The following CKAP2 variants were observed in gnomAD, a reference collection of about 807,000 sequenced individuals.
The protein encoded by CKAP2 is cytoskeleton-associated protein 2.
Under a neutral mutation model 58.4 loss-of-function variants are expected in CKAP2, and 46 were observed. That is an observed-to-expected ratio of 0.79 (90% confidence interval 0.62 to 1.01). The LOEUF (loss-of-function observed/expected upper bound fraction) is 1.01. Ranked by LOEUF, CKAP2 falls within the 50% of genes least tolerant of loss-of-function variation. CKAP2 has a pLI of 0.00. For missense variants in CKAP2, 809 were observed against 796.4 expected, an observed-to-expected ratio of 1.02 and a Z score of -0.19; for synonymous variants, 293 against 280.9, an observed-to-expected ratio of 1.04 and a Z score of -0.43.
chr13:52,461,612 T>TA lies in CKAP2; in HGVS notation c.787dup (p.Thr263AsnfsTer11), dbSNP rs1958582071. ...CTCCTATTAGAAGTCATCACAGTAA[T>TA]ACCCGGGACACTGTGAAACAAGGCA... On this transcript the variant is annotated frameshift_variant, in exon 4 of 9. Coordinates refer to ENST00000258607, the MANE Select transcript of CKAP2 (RefSeq NM_018204.5). LOFTEE classifies it high-confidence loss of function. 6.2e-7 allele frequency: 1 copy of TA among 1,613,810 alleles called. No individual in the cohort carries two copies. The highest frequency in any genetic ancestry group is 1.1e-5 in the South Asian group (1 of 91,078).
At chr13:52,467,515 C>T (rs1210825910) in intron 6 of CKAP2, among the ~76,000 whole-genome samples, 1 of 152,004 alleles carries the variant, frequency 6.6e-6, no homozygotes, top group African/African-American at 2.4e-5. Flanking sequence ...TCAAGCAAGC[C>T]TGGCCAGCAT....
intron 4 of CKAP2, 39 bp downstream of exon 4, chr13:52,461,965 A>G (rs769294913): frequency 6.7e-6 from 10 of 1,486,102 alleles, no homozygotes; most frequent in East Asian, 2.4e-5. Flanking sequence ...TTAGTTTTCA[A>G]TAAAGTACTG....
intron 2 of CKAP2, among the ~76,000 whole-genome samples, chr13:52,459,425 C>T (rs747661985): frequency 2.0e-5 from 3 of 152,016 alleles, no homozygotes; most frequent in East Asian, 1.9e-4. Flanking sequence ...TGGGTTCAAG[C>T]GATTCTCCTG....
rs1228018771 is a variant in CKAP2 at position 52,462,489 on chromosome 13, G to T, written c.1227G>T (p.Met409Ile). ...CAGTTGGGTCTTTTTGGACTACCATGGCAGAAGAAGATGAACAAAGATTAT... is the reference window on the plus strand; with the variant it reads ...CAGTTGGGTCTTTTTGGACTACCATTGCAGAAGAAGATGAACAAAGATTAT... ...EKPVGSFWTT[M>I]AEEDEQRLFT... The change falls in exon 5 of 9, where the codon ATG becomes ATT. Residue 409 changes from methionine to isoleucine, a missense_variant. Transcript: ENST00000258607. 1 of 1,614,074 alleles carries T rather than the reference G, an allele frequency of 6.2e-7. No individual in the cohort carries two copies. The highest frequency in any genetic ancestry group is 1.1e-5 in the South Asian group (1 of 91,070).
At chr13:52,473,299 A>AT (rs1321086823) in intron 7 of CKAP2, among the ~76,000 whole-genome samples, 125 of 151,814 alleles carry the variant, frequency 8.2e-4, no homozygotes, top group African/African-American at 2.8e-3. Context: ...TCTCTGGTGA[A>AT]TTTTTTTTAC....
At position 52,461,039 on chromosome 13, in the gene CKAP2, T is replaced by A. The variant is rs771681941; in HGVS notation, c.232-19T>A. 10 of 1,601,840 alleles carry A rather than the reference T, an allele frequency of 6.2e-6. No homozygotes were observed. In the East Asian group the frequency reaches 2.2e-4, roughly 36 times the overall value. On this transcript the variant is annotated intron_variant, in intron 3 of 8. Transcript: ENST00000258607. ...CCATTTTGCCTTTCCTAAACACTTT[T>A]CTTAAATAATTCTTTCAGGCTGATA...
At chr13:52,472,974 T>A (rs1311890666) in intron 7 of CKAP2, among the ~76,000 whole-genome samples, 1 of 152,010 alleles carries the variant, frequency 6.6e-6, no homozygotes, top group Non-Finnish European at 1.5e-5. Flanking sequence ...ACCTGGGAAG[T>A]TGAGGCTGCA....
At chr13:52,457,239 A>G (rs1033022735) in intron 2 of CKAP2, among the ~76,000 whole-genome samples, 4 of 152,288 alleles carry the variant, frequency 2.6e-5, no homozygotes, top group Admixed American at 1.3e-4. Flanking sequence ...TCTAAGAGAA[A>G]AAAACAATTA....
chr13:52,457,235 AG>A (rs1407577437), intron 2 of CKAP2, among the ~76,000 whole-genome samples: 1 of 152,066 alleles, frequency 6.6e-6, no homozygotes, highest in African/African-American at 2.4e-5. Context: ...ACAGTCTAAG[AG>A]AAAAAAACAA....
At chr13:52,467,707 A>G (rs1360931780) in intron 6 of CKAP2, among the ~76,000 whole-genome samples, 2 of 146,304 alleles carry the variant, frequency 1.4e-5, no homozygotes, top group Non-Finnish European at 2.9e-5. Flanking sequence ...GACTGTCTCA[A>G]AAAAAGAAAA....
At chr13:52,471,363 C>T (rs1017246187) in intron 7 of CKAP2, among the ~76,000 whole-genome samples, 5 of 152,080 alleles carry the variant, frequency 3.3e-5, no homozygotes, top group Admixed American at 2.0e-4. Context: ...TATCATTAGT[C>T]TTTAGATGGG....
chr13:52,460,921 T>A lies in CKAP2; in HGVS notation c.178T>A (p.Ser60Thr). ...TAGTAGAGATCAGAGAGTTGTGACA[T>A]CTGAGGACCAAGTTCAAGAAGGGAC... The part of the protein sequence containing the change: ...LSSRDQRVVT[S>T]EDQVQEGTKV... Residue 60 changes from serine (S) to threonine (T), a missense_variant, in exon 3 of 9, where the codon TCT becomes ACT. Ser to Thr is a moderately conservative substitution (Grantham distance 58). This residue lies in a region of CKAP2 where 523 missense variants were observed against 492.4 expected (regional missense o/e 1.06). Transcript: ENST00000258607. 2 of 1,613,458 alleles carry A rather than the reference T, an allele frequency of 1.2e-6. No individual in the cohort carries two copies. Among genetic ancestry groups the A allele is most frequent in the Non-Finnish European group, 1.7e-6 (2 of 1,179,914 alleles).
At chr13:52,474,208 G>A in intron 8 of CKAP2, 124 bp downstream of exon 8, 2 of 965,252 alleles carry the variant, frequency 2.1e-6, no homozygotes, top group Non-Finnish European at 3.0e-6. Flanking sequence ...ATTTCAGTAC[G>A]GGCATGGTGG....
chr13:52,470,502 T>G (rs1384900666), intron 7 of CKAP2, among the ~76,000 whole-genome samples: 1 of 152,032 alleles, frequency 6.6e-6, no homozygotes, highest in Non-Finnish European at 1.5e-5. Flanking sequence ...ATTTAAGATG[T>G]AGAGATCTAG....
chr13:52,459,146 C>G (rs1285987160), intron 2 of CKAP2, among the ~76,000 whole-genome samples: 1 of 151,838 alleles, frequency 6.6e-6, no homozygotes, highest in African/African-American at 2.4e-5. Context: ...ACTAAGATAC[C>G]CTGTTAAGTG....
In CKAP2 at chr13:52,456,527, A is replaced by G. The variant is rs750798992; in HGVS notation, c.75A>G (p.Gln25=). 2 of 1,611,352 alleles carry G rather than the reference A, an allele frequency of 1.2e-6. No individual in the cohort carries two copies. Among genetic ancestry groups the G allele is most frequent in the Non-Finnish European group, 1.7e-6 (2 of 1,178,566 alleles). Residue 25 remains glutamine, a synonymous_variant, in exon 2 of 9, where the codon CAA becomes CAG. Transcript: ENST00000258607. The part of the protein sequence containing the change: ...SQRAQSAFKE[Q]RRQKLKEHLL... ...GCTCTTACCTTTGTTATCTAGAGCA[A>G]AGAAGACAAAAACTCAAGGAACATC...
At chr13:52,464,835 T>C (rs1391125864) in intron 5 of CKAP2, among the ~76,000 whole-genome samples, 1 of 152,230 alleles carries the variant, frequency 6.6e-6, no homozygotes, top group Non-Finnish European at 1.5e-5. Context: ...CTTGTGGTTC[T>C]GAACACCAGT....
intron 6 of CKAP2, chr13:52,465,978 T>TACACAC (rs1491259133): frequency 1.2e-5 from 3 of 260,754 alleles, no homozygotes; most frequent in African/African-American, 2.3e-5. Flanking sequence ...CACACATATA[T>TACACAC]GCACACATAT....
rs571016501 is a variant in CKAP2 at position 52,471,332 on chromosome 13, T to G, written c.1547-2497T>G. 2.5e-4 allele frequency among the ~76,000 whole-genome samples: 38 copies of G among 152,296 alleles called. No homozygotes were observed. The South Asian group carries it at 7.7e-3, about 31-fold the overall frequency. On this transcript the variant is annotated intron_variant, in intron 7 of 8. Transcript: ENST00000258607. ...CTCTTCCTATCTTATAGGATAGTAC[T>G]AGTTGGTGTTTTCTAGCAGGTATCA...
Sources: allele counts gnomAD v4.1 joint callset (sites outside exome capture counted in the v4.1 genomes callset), GRCh38; gene constraint gnomAD v4.1.1; regional missense constraint gnomAD v4.1.1; transcripts MANE v1.5; gene names NCBI Gene and HGNC (gene_info 2026-07-23, HGNC 2026-07-21).